Variants in TBC1D19 observed in about 807,000 individuals in gnomAD.
TBC1D19 encodes TBC1 domain family, member 19.
A neutral mutation model predicts 89.0 loss-of-function variants in TBC1D19; 60 were observed. The ratio of observed to expected loss-of-function variants is 0.67; its 90% CI spans 0.55 to 0.84. The LOEUF (loss-of-function observed/expected upper bound fraction) is 0.84, where lower values mean the gene tolerates loss of function less well. TBC1D19 is among the 40% of genes least tolerant of loss of function. The pLI is 0.00. For missense variants in TBC1D19, 500 were observed against 610.8 expected (o/e 0.82, Z 1.91); for synonymous variants, 189 against 199.7 (o/e 0.95, Z 0.45).
intron 1 of TBC1D19, 23 bp from the exon 2 acceptor site, chr4:26,613,146 T>A (rs556885619): frequency 6.5e-5 from 93 of 1,421,492 alleles, no homozygotes; most frequent in African/African-American, 2.2e-4. Flanking sequence ...ATCTTTCTTT[T>A]TTATTATTAT....
chr4:26,576,735 C>T (rs1738982771), exon 1 of TBC1D19: 1 of 456,102 alleles, frequency 2.2e-6, no homozygotes, highest in Non-Finnish European at 4.4e-6. Context: ...AGCCACAGAG[C>T]CACTAGCAGA....
chr4:26,807,088 C>T, the TBC1D19 span, among the ~76,000 whole-genome samples: 1 of 152,178 alleles, frequency 6.6e-6, no homozygotes, highest in African/African-American at 2.4e-5. Flanking sequence ...CACTCTCTGA[C>T]TCCCATGAAA....
chr4:26,772,261 C>T, the TBC1D19 span, among the ~76,000 whole-genome samples: 1 of 151,862 alleles, frequency 6.6e-6, no homozygotes, highest in Non-Finnish European at 1.5e-5. Context: ...GGCTTTACCT[C>T]GCAGGTCTCA....
At chr4:26,607,266 T>C (rs536624989) in intron 1 of TBC1D19, among the ~76,000 whole-genome samples, 1 of 152,314 alleles carries the variant, frequency 6.6e-6, no homozygotes, top group Admixed American at 6.5e-5. Context: ...TTGTCATAGA[T>C]ATTTGAAAAG....
At chr4:26,702,629 T>C (rs1391335542) in intron 13 of TBC1D19, among the ~76,000 whole-genome samples, 1 of 152,202 alleles carries the variant, frequency 6.6e-6, no homozygotes, top group Non-Finnish European at 1.5e-5. Context: ...TTTACATAAT[T>C]TTTTCAGTCA....
rs527330623 is a variant in TBC1D19 at position 26,613,815 on chromosome 4, A to C, written c.172+574A>C. ...GACTTTTTTCCTTGTATGCTTTCAC[A>C]GAAAATAAAAAGAAAATTCTAACTT... On this transcript the variant is annotated intron_variant, in intron 2 of 20. Transcript: ENST00000264866. Among the ~76,000 whole-genome samples the C allele has an allele frequency of 3.3e-5, 5 of 152,314 alleles. No homozygotes were observed. In the South Asian group the frequency reaches 1.0e-3, roughly 32 times the overall value.
At chr4:26,820,301 C>A in the TBC1D19 span, among the ~76,000 whole-genome samples, 1 of 152,208 alleles carries the variant, frequency 6.6e-6, no homozygotes, top group Admixed American at 6.6e-5. Context: ...ACTGTTTGTT[C>A]AACATCTTTT....
At chr4:26,833,379 G>A in the TBC1D19 span, among the ~76,000 whole-genome samples, 1 of 152,104 alleles carries the variant, frequency 6.6e-6, no homozygotes, top group Non-Finnish European at 1.5e-5. Flanking sequence ...ATTTCTATGA[G>A]TTTTGATAAA....
intron 6 of TBC1D19, among the ~76,000 whole-genome samples, chr4:26,639,222 T>C (rs1347024123): frequency 6.6e-6 from 1 of 152,112 alleles, no homozygotes. Flanking sequence ...CTAATTTTTT[T>C]ATTTTTTGTA....
intron 13 of TBC1D19, among the ~76,000 whole-genome samples, chr4:26,704,123 C>T (rs917879116): frequency 2.0e-5 from 3 of 151,950 alleles, no homozygotes; most frequent in African/African-American, 7.3e-5. Flanking sequence ...CTTTAGTATT[C>T]CAGTGTTAAG....
At chr4:26,845,869 A>G in the TBC1D19 span, among the ~76,000 whole-genome samples, 1 of 152,206 alleles carries the variant, frequency 6.6e-6, no homozygotes, top group Admixed American at 6.5e-5. Context: ...GTATGGGGGA[A>G]ACTGCCCCCA....
At chr4:26,784,735 T>C in the TBC1D19 span, among the ~76,000 whole-genome samples, 2 of 152,342 alleles carry the variant, frequency 1.3e-5, no homozygotes, top group East Asian at 3.9e-4. Flanking sequence ...AGTATCCTTA[T>C]ATCTCTTGGA....
chr4:26,650,282 C>T (rs564446663), intron 7 of TBC1D19, among the ~76,000 whole-genome samples: 5 of 152,190 alleles, frequency 3.3e-5, no homozygotes, highest in Admixed American at 1.3e-4. Context: ...CCTGAGGAAT[C>T]GCCACACTGA....
chr4:26,698,309 C>T (rs1023772928), intron 13 of TBC1D19, among the ~76,000 whole-genome samples: 22 of 152,076 alleles, frequency 1.4e-4, no homozygotes, highest in African/African-American at 1.9e-4. Flanking sequence ...TTACAAGGGA[C>T]GTGAAGGACC....
chr4:26,669,655 A>G (rs1382893970), intron 9 of TBC1D19, among the ~76,000 whole-genome samples: 1 of 151,822 alleles, frequency 6.6e-6, no homozygotes, highest in Admixed American at 6.6e-5. Context: ...ATTTCATACT[A>G]CTTTGGGTAA....
At chr4:26,801,104 T>C in the TBC1D19 span, among the ~76,000 whole-genome samples, 1 of 152,214 alleles carries the variant, frequency 6.6e-6, no homozygotes, top group Non-Finnish European at 1.5e-5. Context: ...CTGAATGGCA[T>C]TGCCTAGGTT....
the TBC1D19 span, among the ~76,000 whole-genome samples, chr4:26,851,580 G>A: frequency 5.3e-5 from 8 of 152,160 alleles, 1 homozygote; most frequent in East Asian, 1.5e-3. Context: ...TCAAGCTACT[G>A]AATTCCCCTT....
At chr4:26,764,557 C>T in the TBC1D19 span, among the ~76,000 whole-genome samples, 60 of 152,314 alleles carry the variant, frequency 3.9e-4, no homozygotes, top group East Asian at 0.011. Flanking sequence ...TCATCTTCAT[C>T]TGCTTTCATC....
At position 26,752,490 on chromosome 4, in the gene TBC1D19, C is replaced by T. The variant is rs552644661; in HGVS notation, c.1436-1330C>T. 1.9e-4 allele frequency among the ~76,000 whole-genome samples: 29 copies of T among 152,254 alleles called. 1 individual carries two copies. Among genetic ancestry groups the T allele is most frequent in the African/African-American group, 6.3e-4 (26 of 41,530 alleles). ...TCAACTCCTGGGCTCACACAATCCT[C>T]CTGTCTCAGCCTCCCAAAGCACTGA... On this transcript the variant is annotated intron_variant, in intron 19 of 20. Coordinates refer to ENST00000264866, the MANE Select transcript of TBC1D19 (RefSeq NM_018317.4).
Sources: gnomAD v4.1 joint callset for allele counts (sites outside exome capture counted in the v4.1 genomes callset) on GRCh38, gnomAD v4.1.1 for gene constraint, MANE v1.5 for transcripts, NCBI Gene and HGNC (gene_info 2026-07-23, HGNC 2026-07-21) for gene names.